The following CLSTN2 variants were observed in gnomAD, a reference collection of about 807,000 sequenced individuals.
CLSTN2 encodes the protein calsyntenin-2.
A neutral mutation model predicts 101.2 loss-of-function variants in CLSTN2; 48 were observed. The observed-to-expected ratio is 0.47, with a 90% CI of 0.38 to 0.60. CLSTN2 has a LOEUF of 0.60. Among genes scored for constraint, CLSTN2 ranks in the 20% least tolerant of loss-of-function variants. The pLI is 0.00. For synonymous variants in CLSTN2, 481 were observed against 463.6 expected (o/e 1.04, Z -0.48); for missense variants, 1,160 against 1,238.2 (o/e 0.94, Z 0.95).
chr3:140,441,136 C>G (rs1216722228), intron 5 of CLSTN2, among the ~76,000 whole-genome samples: 4 of 152,192 alleles, frequency 2.6e-5, no homozygotes. Context: ...AAGCAAGAAG[C>G]AAGACATTCT....
At chr3:140,180,663 T>G (rs996399654) in intron 2 of CLSTN2, among the ~76,000 whole-genome samples, 1 of 152,170 alleles carries the variant, frequency 6.6e-6, no homozygotes, top group African/African-American at 2.4e-5. Context: ...ATGATAGAAC[T>G]GCTCATTTGT....
chr3:140,364,618 A>C (rs2087764824), intron 2 of CLSTN2, among the ~76,000 whole-genome samples: 1 of 152,180 alleles, frequency 6.6e-6, no homozygotes, highest in Non-Finnish European at 1.5e-5. Context: ...CAGTTGGAGA[A>C]AAAAGAGCAA....
chr3:140,326,346 G>T (rs1317093468), intron 2 of CLSTN2, among the ~76,000 whole-genome samples: 1 of 152,192 alleles, frequency 6.6e-6, no homozygotes, highest in Non-Finnish European at 1.5e-5. Context: ...GGAAGAAGGG[G>T]CCCCAAAGGC....
chr3:140,053,159 C>T (rs2008030053), intron 1 of CLSTN2, among the ~76,000 whole-genome samples: 1 of 152,186 alleles, frequency 6.6e-6, no homozygotes. Flanking sequence ...GGCCACTCCT[C>T]ACAGTCAGCA....
intron 5 of CLSTN2, among the ~76,000 whole-genome samples, chr3:140,434,440 G>T (rs2088667612): frequency 6.6e-6 from 1 of 152,212 alleles, no homozygotes; most frequent in Admixed American, 6.5e-5. Flanking sequence ...GGAACCATGA[G>T]CTGGAGCGGT....
At chr3:140,427,173 C>CAAAAA (rs11422400) in intron 5 of CLSTN2, among the ~76,000 whole-genome samples, 2 of 89,538 alleles carry the variant, frequency 2.2e-5, no homozygotes, top group African/African-American at 1.1e-4. Context: ...GAGACTGTCT[C>CAAAAA]AAAAAAAAAA....
chr3:140,311,722 C>T (rs928551554), intron 2 of CLSTN2, among the ~76,000 whole-genome samples: 4 of 152,088 alleles, frequency 2.6e-5, no homozygotes, highest in Non-Finnish European at 5.9e-5. Context: ...TCTCCATTTT[C>T]CTGAGGAGGA....
rs1494530 is a variant in CLSTN2 at position 140,574,288 on chromosome 3, G to A, written c.*8035G>A. 0.097 allele frequency: 14,720 copies of A among 152,256 alleles called. 784 individuals are homozygous for A. The highest frequency in any genetic ancestry group is 0.12 in the Non-Finnish European group (8,080 of 68,024). The allele number at this position is 152,256 out of a possible 1,614,324, so 9.4% of individuals were successfully genotyped here. On this transcript the variant is annotated 3_prime_UTR_variant, in exon 17 of 17. Coordinates refer to ENST00000458420, the MANE Select transcript of CLSTN2 (RefSeq NM_022131.3). Reference sequence around the variant, plus strand: ...GCAGTGAACAGAGGACAACATTTGTGATGCACGTGGGAGAAAACAGGAGTG... The same window carrying A: ...GCAGTGAACAGAGGACAACATTTGTAATGCACGTGGGAGAAAACAGGAGTG...
chr3:140,162,946 A>T (rs959111785), intron 1 of CLSTN2, among the ~76,000 whole-genome samples: 1 of 152,194 alleles, frequency 6.6e-6, no homozygotes, highest in Non-Finnish European at 1.5e-5. Context: ...TTTATTTATT[A>T]GTTTGCCAGT....
chr3:140,305,507 C>T (rs1031350951), intron 2 of CLSTN2, among the ~76,000 whole-genome samples: 5 of 152,270 alleles, frequency 3.3e-5, no homozygotes, highest in Non-Finnish European at 5.9e-5. Flanking sequence ...TCAGACACAT[C>T]GTGAGAGGAA....
At chr3:140,261,300 A>T (rs1022349321) in intron 2 of CLSTN2, among the ~76,000 whole-genome samples, 7 of 152,088 alleles carry the variant, frequency 4.6e-5, no homozygotes, top group African/African-American at 1.7e-4. Context: ...TATTTATTTA[A>T]TAGTTTGGAT....
chr3:140,014,497 G>C (rs1436654593), intron 1 of CLSTN2, among the ~76,000 whole-genome samples: 1 of 152,108 alleles, frequency 6.6e-6, no homozygotes, highest in Non-Finnish European at 1.5e-5. Flanking sequence ...GAGATTACAG[G>C]CATGGGACAC....
intron 2 of CLSTN2, among the ~76,000 whole-genome samples, chr3:140,214,174 T>A (rs1165625840): frequency 6.6e-6 from 1 of 152,066 alleles, no homozygotes; most frequent in Non-Finnish European, 1.5e-5. Flanking sequence ...GCATGGTGGC[T>A]CACGCCTGTA....
intron 8 of CLSTN2, among the ~76,000 whole-genome samples, chr3:140,527,419 C>T (rs1935167182): frequency 6.6e-6 from 1 of 151,904 alleles, no homozygotes; most frequent in African/African-American, 2.4e-5. Flanking sequence ...ATTAAAAAAT[C>T]AAAAATAACA....
At chr3:140,036,228 T>C (rs2007649664) in intron 1 of CLSTN2, among the ~76,000 whole-genome samples, 1 of 152,126 alleles carries the variant, frequency 6.6e-6, no homozygotes, top group Non-Finnish European at 1.5e-5. Context: ...AGCATTCACT[T>C]TCTGAAGCAC....
At chr3:139,972,898 G>C (rs1015596872) in intron 1 of CLSTN2, among the ~76,000 whole-genome samples, 1 of 152,194 alleles carries the variant, frequency 6.6e-6, no homozygotes, top group East Asian at 1.9e-4. Flanking sequence ...AGACAGAAAT[G>C]GCCCTCCAGC....
At chr3:140,185,251 C>T (rs1000558416) in intron 2 of CLSTN2, among the ~76,000 whole-genome samples, 4 of 152,106 alleles carry the variant, frequency 2.6e-5, no homozygotes, top group South Asian at 2.1e-4. Flanking sequence ...TGACTCTGTC[C>T]GGCCTCAGTG....
intron 2 of CLSTN2, among the ~76,000 whole-genome samples, chr3:140,292,243 G>T (rs2086961527): frequency 6.6e-6 from 1 of 152,242 alleles, no homozygotes; most frequent in African/African-American, 2.4e-5. Context: ...CCTTGCATGT[G>T]CTGCTCCTCC....
At position 140,220,008 on chromosome 3, in the gene CLSTN2, G is replaced by T. The variant is rs1878980; in HGVS notation, c.232+43935G>T. Among the ~76,000 whole-genome samples the T allele has an allele frequency of 2.9e-3, 444 of 152,278 alleles. 5 individuals carry two copies. Among genetic ancestry groups the T allele is most frequent in the Admixed American group, 0.021 (318 of 15,304 alleles). ...GAGAAATGGAAGAAGAACTGGCTTA[G>T]GTTATATTGTCAACAACCATAAATG... On this transcript the variant is annotated intron_variant, in intron 2 of 16. Transcript: ENST00000458420.
Sources: allele counts gnomAD v4.1 joint callset (sites outside exome capture counted in the v4.1 genomes callset), GRCh38; gene constraint gnomAD v4.1.1; transcripts MANE v1.5; gene names NCBI Gene and HGNC (gene_info 2026-07-23, HGNC 2026-07-21).